PRKG1: variants seen among roughly 807,000 people sequenced by gnomAD.
PRKG1 encodes cGMP-dependent protein kinase 1.
A neutral mutation model predicts 88.1 loss-of-function variants in PRKG1; 35 were observed. That is an observed-to-expected ratio of 0.40 (90% CI 0.30 to 0.53). The LOEUF is 0.53. PRKG1 is among the 20% of genes least tolerant of loss of function. The pLI, the probability that PRKG1 is intolerant of heterozygous loss-of-function variation, is 0.59. For missense variants in PRKG1, 540 were observed against 839.8 expected (o/e 0.64, Z 4.41); for synonymous variants, 303 against 292.5 (o/e 1.04, Z -0.37).
chr10:51,270,053 A>G lies in PRKG1; in HGVS notation c.478+116723A>G, dbSNP rs188439244. Among the ~76,000 whole-genome samples, 328 of 152,280 alleles carry G rather than the reference A, an allele frequency of 2.2e-3. 3 individuals are homozygous for G. Among genetic ancestry groups the G allele is most frequent in the Non-Finnish European group, 1.4e-3 (94 of 68,018 alleles). On this transcript the variant is annotated intron_variant, in intron 2 of 17. Coordinates refer to ENST00000373980, the MANE Select transcript of PRKG1 (RefSeq NM_006258.4). ...TTTTGACTGTCTGTAACCAATAACT[A>G]CATACTCAGGCTGAGGCCAGATTAT...
chr10:51,302,964 A>G (rs536734539), intron 2 of PRKG1: 14 of 152,262 alleles, frequency 9.2e-5, no homozygotes, highest in African/African-American at 3.1e-4. Flanking sequence ...TTCTTGCAAG[A>G]GTATTTTGGC....
In PRKG1 at chr10:51,886,864, A is replaced by G. The variant is rs147110265; in HGVS notation, c.699-20643A>G. ...AGTTGGTCCTGCAGTGCTCACCTAT[A>G]CAAAAAGTTAGCCATCCTTATCTGC... On this transcript the variant is annotated intron_variant, in intron 4 of 17. Coordinates refer to ENST00000373980, the MANE Select transcript of PRKG1 (RefSeq NM_006258.4). Among the ~76,000 whole-genome samples, 609 of 152,286 alleles carry G rather than the reference A, an allele frequency of 4.0e-3. 4 individuals are homozygous for G. The highest frequency in any genetic ancestry group is 0.014 in the African/African-American group (573 of 41,562).
chr10:51,347,748 G>T (rs1345431197), intron 2 of PRKG1, among the ~76,000 whole-genome samples: 1 of 152,028 alleles, frequency 6.6e-6, no homozygotes, highest in Non-Finnish European at 1.5e-5. Flanking sequence ...GCCAGATTTA[G>T]CACCGGTTAT....
At chr10:51,153,395 C>G in intron 2 of PRKG1, 65 bp downstream of exon 2, 1 of 1,436,168 alleles carries the variant, frequency 7.0e-7, no homozygotes, top group Non-Finnish European at 9.3e-7. Flanking sequence ...CAGCTGCACA[C>G]AGATGGCAAT....
At chr10:51,851,989 C>G (rs1840566389) in intron 4 of PRKG1, among the ~76,000 whole-genome samples, 1 of 151,976 alleles carries the variant, frequency 6.6e-6, no homozygotes, top group African/African-American at 2.4e-5. Flanking sequence ...ACACATGTTT[C>G]AGGCACCTGC....
At chr10:52,263,568 A>T (rs1159171494) in intron 10 of PRKG1, among the ~76,000 whole-genome samples, 1 of 150,502 alleles carries the variant, frequency 6.6e-6, no homozygotes, top group Non-Finnish European at 1.5e-5. Context: ...TCTCCATTCC[A>T]ATCTCCAGGA....
intron 3 of PRKG1, among the ~76,000 whole-genome samples, chr10:51,587,973 T>C (rs1838214971): frequency 6.6e-6 from 1 of 152,184 alleles, no homozygotes; most frequent in Non-Finnish European, 1.5e-5. Context: ...TATTCCCTGG[T>C]GTATCATTGT....
intron 9 of PRKG1, among the ~76,000 whole-genome samples, chr10:52,189,021 T>C (rs1839293588): frequency 6.6e-6 from 1 of 152,282 alleles, no homozygotes; most frequent in Admixed American, 6.5e-5. Context: ...TTGTTTATTG[T>C]GAGGTTATTT....
At chr10:51,741,910 C>G (rs1837444493) in intron 3 of PRKG1, among the ~76,000 whole-genome samples, 1 of 152,182 alleles carries the variant, frequency 6.6e-6, no homozygotes, top group African/African-American at 2.4e-5. Flanking sequence ...CAGGAAGAAA[C>G]TCTTAGGGAG....
chr10:51,526,166 G>A (rs1841878876), intron 3 of PRKG1, among the ~76,000 whole-genome samples: 1 of 151,980 alleles, frequency 6.6e-6, no homozygotes, highest in Non-Finnish European at 1.5e-5. Flanking sequence ...TTTAATTGAG[G>A]GGTGCTATAA....
intron 4 of PRKG1, among the ~76,000 whole-genome samples, chr10:51,893,414 T>A (rs979553777): frequency 6.6e-6 from 1 of 152,070 alleles, no homozygotes; most frequent in Non-Finnish European, 1.5e-5. Context: ...TCTGGGCTGA[T>A]GAAGCTGCTG....
intron 2 of PRKG1, among the ~76,000 whole-genome samples, chr10:51,312,016 C>T (rs1185214329): frequency 6.6e-6 from 1 of 152,152 alleles, no homozygotes; most frequent in Non-Finnish European, 1.5e-5. Context: ...GGATTACAGG[C>T]ATGTGCCACC....
chr10:51,858,389 T>TTATATATATAATATATTTAA (rs1564678941), intron 4 of PRKG1, among the ~76,000 whole-genome samples: 3 of 30,102 alleles, frequency 1.0e-4, no homozygotes, highest in Non-Finnish European at 2.2e-4. Context: ...AATATATATA[T>TTATATATATAATATATTTAA]AATATATATA....
intron 2 of PRKG1, among the ~76,000 whole-genome samples, chr10:51,165,181 C>G (rs1056187746): frequency 5.3e-5 from 8 of 152,208 alleles, no homozygotes; most frequent in African/African-American, 1.4e-4. Context: ...GGAAGCCCAT[C>G]AGACTAACAG....
At chr10:51,145,161 A>G (rs1302363138) in intron 1 of PRKG1, among the ~76,000 whole-genome samples, 1 of 152,178 alleles carries the variant, frequency 6.6e-6, no homozygotes, top group African/African-American at 2.4e-5. Flanking sequence ...CAGTAACATC[A>G]TGGCACTCAA....
chr10:51,570,120 C>T (rs1837712531), intron 3 of PRKG1, among the ~76,000 whole-genome samples: 2 of 141,326 alleles, frequency 1.4e-5, no homozygotes, highest in Non-Finnish European at 3.0e-5. Context: ...ATGTGATATA[C>T]AGAGAATATG....
chr10:51,141,729 G>A (rs888161478), intron 1 of PRKG1, among the ~76,000 whole-genome samples: 58 of 152,068 alleles, frequency 3.8e-4, no homozygotes, highest in Admixed American at 1.4e-3. Context: ...TCTGTCTCAT[G>A]CCGTGAAAAT....
intron 2 of PRKG1, among the ~76,000 whole-genome samples, chr10:51,157,457 A>G (rs1846242683): frequency 6.6e-6 from 1 of 151,956 alleles, no homozygotes; most frequent in Non-Finnish European, 1.5e-5. Flanking sequence ...GGCCTTAATT[A>G]TGAGGTAGCA....
intron 3 of PRKG1, among the ~76,000 whole-genome samples, chr10:51,539,396 T>G (rs923282117): frequency 6.6e-6 from 1 of 152,182 alleles, no homozygotes; most frequent in African/African-American, 2.4e-5. Flanking sequence ...TAACAAGATA[T>G]GTAAGTTATC....
Sources: allele counts gnomAD v4.1 joint callset (sites outside exome capture counted in the v4.1 genomes callset), GRCh38; gene constraint gnomAD v4.1.1; transcripts MANE v1.5; gene names NCBI Gene and HGNC (gene_info 2026-07-23, HGNC 2026-07-21).